Variants in DSCAML1 observed in about 807,000 individuals in gnomAD.
DSCAML1 encodes DS cell adhesion molecule like 1, also known as cell adhesion molecule DSCAML1.
A neutral mutation model predicts 200.5 loss-of-function variants in DSCAML1; 38 were observed. The observed-to-expected ratio is 0.19, with a 90% CI of 0.15 to 0.25. The LOEUF (loss-of-function observed/expected upper bound fraction) is 0.25, where lower values mean the gene tolerates loss of function less well. Among genes scored for constraint, DSCAML1 ranks in the 10% least tolerant of loss-of-function variants. DSCAML1 has a pLI of 1.00. For missense variants in DSCAML1, 2,223 were observed against 2,858.8 expected (o/e 0.78, Z 5.07); for synonymous variants, 1,215 against 1,165.0 (o/e 1.04, Z -0.87).
chr11:117,461,496 G>A lies in DSCAML1; in HGVS notation c.3366C>T (p.Val1122=), dbSNP rs2048482023. 6.2e-7 allele frequency: 1 copy of A among 1,614,092 alleles called. No individual in the cohort carries two copies. Among genetic ancestry groups the A allele is most frequent in the Non-Finnish European group, 8.5e-7 (1 of 1,180,056 alleles). The change falls in exon 18 of 33, where the codon GTC becomes GTT. Residue 1122 remains valine, a synonymous_variant. Coordinates refer to ENST00000651296, the MANE Select transcript of DSCAML1 (RefSeq NM_020693.4). ...AGAAGATGACCCGATAGCCTTTGAGGACGCCATTGAGGGTGCTGCGCGGGG... is the reference window on the plus strand; with the variant it reads ...AGAAGATGACCCGATAGCCTTTGAGAACGCCATTGAGGGTGCTGCGCGGGG... ...SEPPRSTLNG[V]LKGYRVIFWS... is the part of the protein sequence containing the mutation.
At position 117,498,404 on chromosome 11, in the gene DSCAML1, G is replaced by A. The variant is rs1274558343; in HGVS notation, c.2359+5441C>T. On this transcript the variant is annotated intron_variant, in intron 11 of 32. Transcript: ENST00000651296. This position sits in a 1 kb window ranked among gnomAD's most constrained non-coding sequence, Gnocchi z 4.0. Reference sequence around the variant, plus strand: ...TGTGGAGGAGCCCTCGGGAGGTCCTGGAAGCAGGGAATTCCCTGGGTACCT... The same window carrying A: ...TGTGGAGGAGCCCTCGGGAGGTCCTAGAAGCAGGGAATTCCCTGGGTACCT... Among the ~76,000 whole-genome samples, 1 of 152,196 alleles carries A rather than the reference G, an allele frequency of 6.6e-6. No individual in the cohort carries two copies. The highest frequency in any genetic ancestry group is 1.5e-5 in the Non-Finnish European group (1 of 68,036).
Position 117,572,540 on chromosome 11 carries a change from G to A in DSCAML1, c.512-40018C>T, listed in dbSNP as rs550454037. On this transcript the variant is annotated intron_variant, in intron 3 of 32. Coordinates refer to ENST00000651296, the MANE Select transcript of DSCAML1 (RefSeq NM_020693.4). ...GGGACTCCTTGCCCCATCCCCTTTA[G>A]TGAAGGAGTGTATCCTCCGGTCACA... 3.9e-5 allele frequency among the ~76,000 whole-genome samples: 6 copies of A among 152,260 alleles called. No individual in the cohort carries two copies. The South Asian group carries it at 1.0e-3, about 26-fold the overall frequency.
chr11:117,447,207 G>C (rs2137108262), intron 20 of DSCAML1, among the ~76,000 whole-genome samples: 2 of 152,310 alleles, frequency 1.3e-5, no homozygotes, highest in Admixed American at 1.3e-4. Context: ...AGAATCACTT[G>C]AACCCGGGAG....
At chr11:117,663,571 C>G (rs556074094) in intron 3 of DSCAML1, among the ~76,000 whole-genome samples, 9 of 152,212 alleles carry the variant, frequency 5.9e-5, no homozygotes, top group Admixed American at 3.9e-4. Flanking sequence ...AGGAGTGAAC[C>G]CAGTCTCTTC....
chr11:117,800,037 G>A (rs657389), upstream of DSCAML1, among the ~76,000 whole-genome samples: 40,805 of 152,186 alleles, frequency 0.27, 6,265 homozygotes, highest in Middle Eastern at 0.41. Context: ...ACACTGAGGC[G>A]GAAGAGCCTG....
chr11:117,488,652 C>G (rs2049127960), intron 11 of DSCAML1, among the ~76,000 whole-genome samples: 1 of 152,144 alleles, frequency 6.6e-6, no homozygotes, highest in Non-Finnish European at 1.5e-5. Context: ...TACCATAAAC[C>G]CATGGACGGC....
intron 3 of DSCAML1, among the ~76,000 whole-genome samples, chr11:117,561,624 GC>G (rs1184205101): frequency 2.0e-5 from 3 of 152,136 alleles, no homozygotes; most frequent in African/African-American, 7.2e-5. Context: ...AGGTCCCTCT[GC>G]CTGTGATGGT....
intron 1 of DSCAML1, among the ~76,000 whole-genome samples, chr11:117,794,665 G>A (rs1270314263): frequency 4.6e-5 from 7 of 151,754 alleles, no homozygotes; most frequent in Non-Finnish European, 8.8e-5. Flanking sequence ...TTGGTGCCGC[G>A]GGGGTGACTG....
chr11:117,662,794 G>A (rs1248512624), intron 3 of DSCAML1, among the ~76,000 whole-genome samples: 3 of 152,144 alleles, frequency 2.0e-5, no homozygotes, highest in Non-Finnish European at 4.4e-5. Flanking sequence ...GTCACCCAGC[G>A]TGCTTACTTA....
intron 3 of DSCAML1, among the ~76,000 whole-genome samples, chr11:117,659,507 G>A (rs1426795381): frequency 6.6e-6 from 1 of 152,200 alleles, no homozygotes; most frequent in African/African-American, 2.4e-5. Context: ...CAGCTTGGCT[G>A]ATCTAGACCT....
chr11:117,809,763 C>T (rs74500359), intron 1 of DSCAML1, among the ~76,000 whole-genome samples: 5,425 of 152,184 alleles, frequency 0.036, 126 homozygotes, highest in Non-Finnish European at 0.053. Flanking sequence ...GGTCCACCCA[C>T]GCAACCCTCC....
intron 3 of DSCAML1, among the ~76,000 whole-genome samples, chr11:117,660,569 G>A (rs540399295): frequency 3.9e-4 from 59 of 152,270 alleles, no homozygotes; most frequent in East Asian, 5.8e-4. Context: ...GGCTGTAGCC[G>A]GGGCTAATAG....
At chr11:117,514,687 A>G (rs542343688) in intron 8 of DSCAML1, among the ~76,000 whole-genome samples, 43 of 134,788 alleles carry the variant, frequency 3.2e-4, no homozygotes, top group Non-Finnish European at 5.1e-4. Context: ...GGTTCAAGTT[A>G]TTCTCCTGCT....
intron 3 of DSCAML1, among the ~76,000 whole-genome samples, chr11:117,639,758 C>T (rs2052365734): frequency 6.6e-6 from 1 of 152,036 alleles, no homozygotes; most frequent in South Asian, 2.1e-4. Context: ...CGCTGCTGCC[C>T]AGTATGAGAG....
intron 3 of DSCAML1, among the ~76,000 whole-genome samples, chr11:117,631,962 G>A (rs34099360): frequency 2.6e-5 from 4 of 152,212 alleles, no homozygotes; most frequent in African/African-American, 9.7e-5. Context: ...GAGCGGCAAA[G>A]CCTCTCTCTT....
intron 3 of DSCAML1, among the ~76,000 whole-genome samples, chr11:117,721,776 AAT>A (rs2054045569): frequency 6.8e-6 from 1 of 147,666 alleles, no homozygotes; most frequent in Non-Finnish European, 1.5e-5. Context: ...AAAATATATA[AAT>A]ATATGATATA....
At chr11:117,478,354 C>T (rs182015548) in intron 14 of DSCAML1, among the ~76,000 whole-genome samples, 4 of 152,184 alleles carry the variant, frequency 2.6e-5, no homozygotes, top group African/African-American at 9.7e-5. Context: ...ATGTCACCCT[C>T]TGGACCCAGC....
intron 3 of DSCAML1, among the ~76,000 whole-genome samples, chr11:117,631,048 A>C (rs1331661766): frequency 1.3e-5 from 2 of 152,160 alleles, no homozygotes; most frequent in African/African-American, 4.8e-5. Context: ...AAATTCTAAT[A>C]TTTTATAGGA....
chr11:117,630,890 C>T (rs2052159402), intron 3 of DSCAML1, among the ~76,000 whole-genome samples: 1 of 152,082 alleles, frequency 6.6e-6, no homozygotes, highest in African/African-American at 2.4e-5. Context: ...CAGCAGGTCG[C>T]ATGAACTCTC....
Sources: allele counts gnomAD v4.1 joint callset (sites outside exome capture counted in the v4.1 genomes callset), GRCh38; gene constraint gnomAD v4.1.1; non-coding constraint Gnocchi (gnomAD v3.1); transcripts MANE v1.5; gene names NCBI Gene and HGNC (gene_info 2026-07-23, HGNC 2026-07-21).